RARB: variants seen among roughly 807,000 people sequenced by gnomAD.
RARB encodes retinoic acid receptor beta.
In RARB, 17 loss-of-function variants were observed where a neutral mutation model predicts 51.9. The observed-to-expected ratio is 0.33, with a 90% confidence interval of 0.22 to 0.49. RARB has a LOEUF of 0.49. Among genes scored for constraint, RARB ranks in the 20% least tolerant of loss-of-function variants. RARB has a pLI of 0.99. For missense variants in RARB, 369 were observed against 550.8 expected, an observed-to-expected ratio of 0.67 and a Z score of 3.30; for synonymous variants, 215 against 195.4, an observed-to-expected ratio of 1.10 and a Z score of -0.84.
intron 5 of RARB, among the ~76,000 whole-genome samples, chr3:25,228,217 GT>G (rs55796125): frequency 0.04 from 4,212 of 105,300 alleles, 54 homozygotes; most frequent in East Asian, 0.1. Flanking sequence ...GACTTTGAGG[GT>G]TTTTTTTTTT....
At chr3:25,292,562 A>C (rs1703816199) in intron 5 of RARB, among the ~76,000 whole-genome samples, 1 of 152,222 alleles carries the variant, frequency 6.6e-6, no homozygotes, top group Non-Finnish European at 1.5e-5. Flanking sequence ...CTTCTAAAAC[A>C]AGAGAGAGCT....
chr3:25,316,988 C>G (rs1478909475), intron 5 of RARB, among the ~76,000 whole-genome samples: 1 of 143,516 alleles, frequency 7.0e-6, no homozygotes, highest in African/African-American at 2.5e-5. Flanking sequence ...TCTGCTTCCC[C>G]TCAGAATTTG....
chr3:25,322,156 G>T (rs1704588675), intron 5 of RARB, among the ~76,000 whole-genome samples: 1 of 129,738 alleles, frequency 7.7e-6, no homozygotes, highest in Admixed American at 9.2e-5. Context: ...TGGAAATTTG[G>T]TATATGAGGT....
chr3:24,880,720 T>C (rs1367790917), intron 2 of RARB, among the ~76,000 whole-genome samples: 1 of 152,178 alleles, frequency 6.6e-6, no homozygotes, highest in East Asian at 1.9e-4. Flanking sequence ...CAAGCAGATA[T>C]GAAAATCCAA....
At chr3:24,931,149 A>G (rs193201990) in intron 2 of RARB, among the ~76,000 whole-genome samples, 4 of 152,178 alleles carry the variant, frequency 2.6e-5, no homozygotes, top group African/African-American at 9.6e-5. Flanking sequence ...GTACTCTGCT[A>G]TGTCTCGTTG....
At chr3:24,992,430 G>C (rs1201247969) in intron 2 of RARB, among the ~76,000 whole-genome samples, 1 of 152,044 alleles carries the variant, frequency 6.6e-6, no homozygotes, top group African/African-American at 2.4e-5. Flanking sequence ...AGTAATAGAG[G>C]CTGATATTTT....
intron 5 of RARB, among the ~76,000 whole-genome samples, chr3:25,321,299 T>A (rs979357621): frequency 2.6e-5 from 4 of 152,238 alleles, no homozygotes; most frequent in Non-Finnish European, 5.9e-5. Flanking sequence ...GATGGAGTAG[T>A]AAGGTACTGC....
At chr3:24,912,972 A>ATTTTTTTTTTTTTTTTTTTTTTTT (rs71622787) in intron 2 of RARB, among the ~76,000 whole-genome samples, 22 of 57,652 alleles carry the variant, frequency 3.8e-4, no homozygotes, top group Non-Finnish European at 5.5e-4. Flanking sequence ...CAAGGTACTG[A>ATTTTTTTTTTTTTTTTTTTTTTTT]TTCTTTTTTT....
intron 5 of RARB, among the ~76,000 whole-genome samples, chr3:25,201,786 T>A (rs1212481717): frequency 2.0e-5 from 3 of 152,206 alleles, no homozygotes; most frequent in Non-Finnish European, 4.4e-5. Flanking sequence ...GAAGCCCACT[T>A]GATCGTGGTG....
intron 2 of RARB, among the ~76,000 whole-genome samples, chr3:25,029,957 C>G (rs1038543652): frequency 6.6e-6 from 1 of 152,100 alleles, no homozygotes; most frequent in East Asian, 1.9e-4. Flanking sequence ...AATTTGGGGA[C>G]GTATGGAATA....
chr3:24,912,355 T>C (rs1041170609), intron 2 of RARB, among the ~76,000 whole-genome samples: 4 of 152,192 alleles, frequency 2.6e-5, no homozygotes, highest in Non-Finnish European at 2.9e-5. Flanking sequence ...TTCTTCGTAT[T>C]GTTATGAAGA....
In RARB at chr3:25,596,646, C is replaced by T; in HGVS notation, c.*30C>T. 1.3e-6 allele frequency: 2 copies of T among 1,496,738 alleles called. No homozygotes were observed. Among genetic ancestry groups the T allele is most frequent in the South Asian group, 2.4e-5 (2 of 82,752 alleles). 92.7% of individuals were successfully genotyped at this position (1,496,738 alleles called of 1,614,324 possible). On this transcript the variant is annotated 3_prime_UTR_variant, in exon 8 of 8. Transcript: ENST00000330688. The stretch of plus-strand genomic sequence containing the variant: ...TTTTCTAGCTACTTCAAACATTCCC[C>T]AGTACCTTCAGTTCCAGGATTTAAA...
At chr3:25,371,480 A>G (rs939337630) in intron 5 of RARB, among the ~76,000 whole-genome samples, 2 of 152,242 alleles carry the variant, frequency 1.3e-5, no homozygotes, top group African/African-American at 2.4e-5. Flanking sequence ...GTCATTATTA[A>G]GAGCAAAATA....
At chr3:25,313,035 G>A (rs776283315) in intron 5 of RARB, among the ~76,000 whole-genome samples, 8 of 152,238 alleles carry the variant, frequency 5.3e-5, no homozygotes, top group Non-Finnish European at 2.9e-5. Flanking sequence ...CTAGCCATTT[G>A]AATGTGGGCA....
intron 5 of RARB, among the ~76,000 whole-genome samples, chr3:25,360,770 T>C (rs1183877383): frequency 6.6e-6 from 1 of 152,192 alleles, no homozygotes; most frequent in African/African-American, 2.4e-5. Flanking sequence ...AACTCTCAGT[T>C]GAAAATTCTT....
At chr3:25,225,128 C>G (rs1187977708) in intron 5 of RARB, among the ~76,000 whole-genome samples, 2 of 152,140 alleles carry the variant, frequency 1.3e-5, no homozygotes, top group African/African-American at 4.8e-5. Flanking sequence ...TAAACTCTGA[C>G]TCCCTTCATC....
intron 3 of RARB, among the ~76,000 whole-genome samples, chr3:25,118,816 A>G (rs1321687276): frequency 2.0e-5 from 3 of 152,124 alleles, no homozygotes; most frequent in Non-Finnish European, 4.4e-5. Flanking sequence ...GGTCCATTAT[A>G]ATACAGACAA....
intron 5 of RARB, among the ~76,000 whole-genome samples, chr3:25,342,186 C>A (rs1440394209): frequency 6.6e-6 from 1 of 152,158 alleles, no homozygotes; most frequent in African/African-American, 2.4e-5. Context: ...TGAAGTTTGA[C>A]CAGTGATCTT....
intron 5 of RARB, among the ~76,000 whole-genome samples, chr3:25,218,368 C>T (rs1242863571): frequency 2.0e-5 from 3 of 152,160 alleles, no homozygotes; most frequent in Non-Finnish European, 2.9e-5. Context: ...ACCCACCCCC[C>T]AACAAGGCCC....
Sources: allele counts gnomAD v4.1 joint callset (sites outside exome capture counted in the v4.1 genomes callset), GRCh38; gene constraint gnomAD v4.1.1; transcripts MANE v1.5; gene names NCBI Gene and HGNC (gene_info 2026-07-23, HGNC 2026-07-21).